Variants in RNF144B observed in about 807,000 individuals in gnomAD.
RNF144B encodes the protein E3 ubiquitin-protein ligase RNF144B.
A neutral mutation model predicts 40.2 loss-of-function variants in RNF144B; 25 were observed. That is an observed-to-expected ratio of 0.62 (90% CI 0.45 to 0.87). The LOEUF is 0.87. Ranked by LOEUF, RNF144B falls within the 40% of genes least tolerant of loss-of-function variation. RNF144B has a pLI of 0.00. For synonymous variants in RNF144B, 145 were observed against 136.3 expected, an observed-to-expected ratio of 1.06 and a Z score of -0.44; for missense variants, 365 against 373.7, an observed-to-expected ratio of 0.98 and a Z score of 0.19.
intron 2 of RNF144B, among the ~76,000 whole-genome samples, chr6:18,415,879 C>G (rs926834906): frequency 1.3e-4 from 19 of 151,248 alleles, no homozygotes; most frequent in Non-Finnish European, 2.2e-4. Flanking sequence ...CTTAAGTGCA[C>G]TTTTAGAGAT....
At chr6:18,430,957 A>C (rs556137845) in intron 3 of RNF144B, among the ~76,000 whole-genome samples, 1 of 152,250 alleles carries the variant, frequency 6.6e-6, no homozygotes, top group African/African-American at 2.4e-5. Flanking sequence ...AAATTACAAA[A>C]GGAGGCCAGG....
chr6:18,452,120 A>C (rs1046829143), intron 4 of RNF144B, among the ~76,000 whole-genome samples: 1 of 152,230 alleles, frequency 6.6e-6, no homozygotes. Context: ...AGATGGTATT[A>C]TTAGTATGTG....
At chr6:18,411,076 C>A (rs1795022976) in intron 2 of RNF144B, among the ~76,000 whole-genome samples, 1 of 151,786 alleles carries the variant, frequency 6.6e-6, no homozygotes, top group Non-Finnish European at 1.5e-5. Context: ...CCTCCGCCTC[C>A]CGGGTTCAAG....
chr6:18,399,990 G>A (rs1011551792), intron 2 of RNF144B, among the ~76,000 whole-genome samples: 2 of 152,256 alleles, frequency 1.3e-5, no homozygotes, highest in Non-Finnish European at 2.9e-5. Flanking sequence ...TTAACATGCT[G>A]GCCAGGTGCG....
chr6:18,452,278 C>T (rs540150428), intron 4 of RNF144B, among the ~76,000 whole-genome samples: 3 of 152,244 alleles, frequency 2.0e-5, no homozygotes, highest in Non-Finnish European at 2.9e-5. Context: ...CCTTGCCTAC[C>T]GTCAGAGAGG....
At chr6:18,449,039 A>G (rs959483738) in intron 4 of RNF144B, among the ~76,000 whole-genome samples, 1 of 152,202 alleles carries the variant, frequency 6.6e-6, no homozygotes, top group African/African-American at 2.4e-5. Context: ...ATAGGGAAGA[A>G]AGAAGTCTTG....
rs1254465937 is a variant in RNF144B, at chr6:18,411,487, ATATATATATATTT to A, written c.165+11790_165+11802del. ...CATATATATATATATATATATATAT[ATATATATATATTT>A]TTTTTTTTTTTTTTTTTTTTTGAGA... On this transcript the variant is annotated intron_variant, in intron 2 of 7. Coordinates refer to ENST00000259939, the MANE Select transcript of RNF144B (RefSeq NM_182757.4). Among the ~76,000 whole-genome samples the A allele has an allele frequency of 1.3e-4, 3 of 23,090 alleles. No individual in the cohort carries two copies. The East Asian group carries it at 5.0e-3, about 38-fold the overall frequency. 15.1% of individuals were successfully genotyped at this position (23,090 alleles called of 152,430 possible).
chr6:18,415,658 C>T (rs575871841), intron 2 of RNF144B, among the ~76,000 whole-genome samples: 7 of 152,190 alleles, frequency 4.6e-5, no homozygotes, highest in Admixed American at 2.0e-4. Flanking sequence ...CATATCTCTC[C>T]GTCTGTTTAG....
rs1481209797 is a variant in RNF144B, at chr6:18,387,635, G to A, written c.-37+5G>A. ...GGAACGCAGGTCTGCTGCCAGGTAGGTTTAGCGAGCTTTTTAAAGGCTACA... is the reference window on the plus strand; with the variant it reads ...GGAACGCAGGTCTGCTGCCAGGTAGATTTAGCGAGCTTTTTAAAGGCTACA... On this transcript the variant is annotated splice_donor_5th_base_variant and intron_variant, in intron 1 of 7. Transcript: ENST00000259939. 2.3e-6 allele frequency: 3 copies of A among 1,298,930 alleles called. No homozygotes were observed. Among genetic ancestry groups the A allele is most frequent in the Admixed American group, 4.5e-5 (2 of 44,426 alleles). The allele number at this position is 1,298,930 out of a possible 1,614,324, so 80.5% of individuals were successfully genotyped here.
At chr6:18,463,483 C>A (rs1759513527) in intron 7 of RNF144B, 103 bp downstream of exon 7, 5 of 733,064 alleles carry the variant, frequency 6.8e-6, no homozygotes, top group Middle Eastern at 4.7e-4. Context: ...GAGGTACCAT[C>A]CCAGCCTGGG....
At position 18,457,521 on chromosome 6, in the gene RNF144B, A is replaced by G. The variant is rs1467322839; in HGVS notation, c.536+162A>G. ...TCTCAGAATTGGTAAGTTGCCAACA[A>G]AAAAGCATTTCTAGTTGTTTGCCCC... is the stretch of plus-strand genomic sequence containing the variant. On this transcript the variant is annotated intron_variant, in intron 5 of 7. Coordinates refer to ENST00000259939, the MANE Select transcript of RNF144B (RefSeq NM_182757.4). This position sits in a 1 kb window ranked among gnomAD's most constrained non-coding sequence, Gnocchi z 5.1. Among the ~76,000 whole-genome samples, 1 of 152,182 alleles carries G rather than the reference A, an allele frequency of 6.6e-6. No individual in the cohort carries two copies. Among genetic ancestry groups the G allele is most frequent in the Non-Finnish European group, 1.5e-5 (1 of 68,024 alleles).
Position 18,410,655 on chromosome 6 carries a change from G to A in RNF144B, c.165+10956G>A, listed in dbSNP as rs144988088. ...TGTGCTCAGGCAGGAGGCCAGAGAG[G>A]CAAGCAGAGACTAGATGGAGGGCCT... On this transcript the variant is annotated intron_variant, in intron 2 of 7. Transcript: ENST00000259939. This position sits in a 1 kb window ranked among gnomAD's most constrained non-coding sequence, Gnocchi z 4.6. Among the ~76,000 whole-genome samples the A allele has an allele frequency of 1.9e-4, 29 of 152,198 alleles. No homozygotes were observed. The highest frequency in any genetic ancestry group is 7.0e-4 in the African/African-American group (29 of 41,538).
chr6:18,444,625 G>GT lies in RNF144B; in HGVS notation c.331+4884dup. ...TATTTATTTATATTACCATATAGCAGTTTAAGAACTCTTACAGAAGGGTTG... is the reference window on the plus strand; with the variant it reads ...TATTTATTTATATTACCATATAGCAGTTTTAAGAACTCTTACAGAAGGGTTG... On this transcript the variant is annotated intron_variant, in intron 4 of 7. Coordinates refer to ENST00000259939, the MANE Select transcript of RNF144B (RefSeq NM_182757.4). The surrounding 1 kb of genome is among the most constrained non-coding windows in gnomAD (Gnocchi z 4.3). 1.3e-5 allele frequency among the ~76,000 whole-genome samples: 2 copies of GT among 152,084 alleles called. No individual in the cohort carries two copies. Among genetic ancestry groups the GT allele is most frequent in the Middle Eastern group, 6.8e-3 (2 of 294 alleles).
At chr6:18,403,244 A>G (rs1794828147) in intron 2 of RNF144B, among the ~76,000 whole-genome samples, 3 of 152,248 alleles carry the variant, frequency 2.0e-5, no homozygotes, top group Admixed American at 1.3e-4. Flanking sequence ...CAGTTATCAA[A>G]GTAATGGAAA....
rs980379136 is a variant in RNF144B at position 18,422,503 on chromosome 6, C to A, written c.166-5078C>A. ...GGCTTTGGCCTTTGGGCACATTCCCCCTCATCACCTTCCTTCCCACTTGGC... is the reference window on the plus strand; with the variant it reads ...GGCTTTGGCCTTTGGGCACATTCCCACTCATCACCTTCCTTCCCACTTGGC... On this transcript the variant is annotated intron_variant, in intron 2 of 7. Coordinates refer to ENST00000259939, the MANE Select transcript of RNF144B (RefSeq NM_182757.4). The surrounding 1 kb of genome is among the most constrained non-coding windows in gnomAD (Gnocchi z 4.7). Among the ~76,000 whole-genome samples, 1 of 152,106 alleles carries A rather than the reference C, an allele frequency of 6.6e-6. No individual in the cohort carries two copies. Among genetic ancestry groups the A allele is most frequent in the Non-Finnish European group, 1.5e-5 (1 of 68,030 alleles).
chr6:18,457,256 T>C lies in RNF144B; in HGVS notation c.433T>C (p.Cys145Arg). 6.2e-7 allele frequency: 1 copy of C among 1,614,090 alleles called. No individual in the cohort carries two copies. Among genetic ancestry groups the C allele is most frequent in the East Asian group, 2.2e-5 (1 of 44,870 alleles). ...CCCAGGACAGCCTGTGCTGGTGGAATGCCCTTCTTGCCACCTGAAATTCTG... is the reference window on the plus strand; with the variant it reads ...CCCAGGACAGCCTGTGCTGGTGGAACGCCCTTCTTGCCACCTGAAATTCTG... ...SDPGQPVLVE[C>R]PSCHLKFCSC... is the part of the protein sequence containing the mutation. Residue 145 changes from cysteine (C) to arginine (R), a missense_variant, in exon 5 of 8, where the codon TGC becomes CGC. Transcript: ENST00000259939. This position sits in a 1 kb window ranked among gnomAD's most constrained non-coding sequence, Gnocchi z 5.1.
intron 6 of RNF144B, among the ~76,000 whole-genome samples, chr6:18,461,595 G>A (rs1360367865): frequency 6.6e-6 from 1 of 152,210 alleles, no homozygotes; most frequent in Non-Finnish European, 1.5e-5. Context: ...TCTGTCTCTT[G>A]TGCTGCTCTG....
chr6:18,454,874 T>A (rs1477087529), intron 4 of RNF144B, among the ~76,000 whole-genome samples: 3 of 152,252 alleles, frequency 2.0e-5, no homozygotes, highest in Non-Finnish European at 2.9e-5. Context: ...CATCCTTGTA[T>A]CTTTTTAAGG....
intron 1 of RNF144B, among the ~76,000 whole-genome samples, chr6:18,393,210 T>C (rs968196404): frequency 6.6e-6 from 1 of 152,204 alleles, no homozygotes; most frequent in African/African-American, 2.4e-5. Context: ...TATGTTTCCA[T>C]TTGTTCATGT....
Sources: allele counts gnomAD v4.1 joint callset (sites outside exome capture counted in the v4.1 genomes callset), GRCh38; gene constraint gnomAD v4.1.1; non-coding constraint Gnocchi (gnomAD v3.1); transcripts MANE v1.5; gene names NCBI Gene and HGNC (gene_info 2026-07-23, HGNC 2026-07-21).